PDE1C: variants seen among roughly 807,000 people sequenced by gnomAD.
PDE1C encodes phosphodiesterase 1C, also known as dual specificity calcium/calmodulin-dependent 3',5'-cyclic nucleotide phosphodiesterase 1C.
A neutral mutation model predicts 93.1 loss-of-function variants in PDE1C; 62 were observed. That is an observed-to-expected ratio of 0.67 (90% CI 0.54 to 0.82). The LOEUF is 0.82. PDE1C is among the 40% of genes least tolerant of loss of function. The pLI is 0.00. For synonymous variants in PDE1C, 325 were observed against 310.1 expected (o/e 1.05, Z -0.50); for missense variants, 742 against 884.6 (o/e 0.84, Z 2.04).
the PDE1C span, among the ~76,000 whole-genome samples, chr7:31,618,807 T>A: frequency 2.0e-5 from 3 of 152,254 alleles, no homozygotes; most frequent in Non-Finnish European, 4.4e-5. Context: ...TGACTCCAAA[T>A]GGCATGCCAT....
chr7:31,770,827 T>A (rs541820224), intron 17 of PDE1C, among the ~76,000 whole-genome samples: 2 of 152,274 alleles, frequency 1.3e-5, no homozygotes, highest in Admixed American at 6.5e-5. Flanking sequence ...TGGTTCATGA[T>A]CTTTCATTTT....
At chr7:32,071,078 G>T, upstream of PDE1C, 13 of 985,408 alleles carry the variant, frequency 1.3e-5, no homozygotes, top group Non-Finnish European at 1.3e-5. Context: ...GCGGAGGGAG[G>T]GGCGCGCGGG....
At chr7:32,099,075 C>A (rs539921321) in intron 3 of PDE1C, among the ~76,000 whole-genome samples, 1 of 152,012 alleles carries the variant, frequency 6.6e-6, no homozygotes, top group East Asian at 1.9e-4. Context: ...TGGGGGACAG[C>A]AATTAATTAT....
intron 1 of PDE1C, among the ~76,000 whole-genome samples, chr7:32,247,880 A>G (rs1395363427): frequency 6.6e-6 from 1 of 152,180 alleles, no homozygotes; most frequent in African/African-American, 2.4e-5. Flanking sequence ...TGTACTATGT[A>G]CAGACTAGTA....
the PDE1C span, among the ~76,000 whole-genome samples, chr7:31,730,525 C>G: frequency 1.3e-5 from 2 of 152,190 alleles, no homozygotes; most frequent in Admixed American, 6.5e-5. Context: ...CTGAGAATTG[C>G]CCCTGTGCAG....
At chr7:32,303,281 C>G (rs6952052), upstream of PDE1C, among the ~76,000 whole-genome samples, 12,765 of 152,162 alleles carry the variant, frequency 0.084, 596 homozygotes, top group East Asian at 0.13. Flanking sequence ...ATCTACCAAA[C>G]AGACTCCCTT....
At chr7:31,998,324 C>T (rs1261118060) in intron 2 of PDE1C, among the ~76,000 whole-genome samples, 1 of 152,076 alleles carries the variant, frequency 6.6e-6, no homozygotes, top group Non-Finnish European at 1.5e-5. Flanking sequence ...CAGCCAGAAA[C>T]GTCTTATTTT....
intron 3 of PDE1C, among the ~76,000 whole-genome samples, chr7:32,107,522 CA>C (rs1484618870): frequency 6.6e-6 from 1 of 151,948 alleles, no homozygotes; most frequent in Non-Finnish European, 1.5e-5. Context: ...CAAACAAAGT[CA>C]AAAAATACCA....
chr7:32,298,574 T>C, intron 1 of PDE1C: 1 of 1,477,742 alleles, frequency 6.8e-7, no homozygotes, highest in Non-Finnish European at 9.2e-7. Context: ...CCCTGCCCGC[T>C]TAGAAAGGAA....
At chr7:32,265,107 G>C (rs945790302) in intron 1 of PDE1C, among the ~76,000 whole-genome samples, 5 of 152,200 alleles carry the variant, frequency 3.3e-5, no homozygotes, top group African/African-American at 1.2e-4. Context: ...ACTCCAGAGA[G>C]AGCAACCTTA....
chr7:31,810,973 T>A (rs1192811573), intron 15 of PDE1C, among the ~76,000 whole-genome samples: 1 of 152,118 alleles, frequency 6.6e-6, no homozygotes, highest in African/African-American at 2.4e-5. Flanking sequence ...GTCAATAAAC[T>A]CTTCAGGTTC....
chr7:32,248,297 T>C (rs1273677899), intron 1 of PDE1C, among the ~76,000 whole-genome samples: 1 of 151,898 alleles, frequency 6.6e-6, no homozygotes, highest in African/African-American at 2.4e-5. Flanking sequence ...GAATTTAGAG[T>C]GGAGGAGAAG....
At chr7:32,095,863 G>A (rs1797723743) in intron 3 of PDE1C, among the ~76,000 whole-genome samples, 1 of 152,136 alleles carries the variant, frequency 6.6e-6, no homozygotes, top group African/African-American at 2.4e-5. Flanking sequence ...TCGACTTACA[G>A]AATGATGTGA....
chr7:32,065,975 G>A (rs933726743), intron 1 of PDE1C, among the ~76,000 whole-genome samples: 8 of 152,236 alleles, frequency 5.3e-5, no homozygotes, highest in Non-Finnish European at 1.0e-4. Flanking sequence ...AGCTGACCCA[G>A]GGATTCCCAC....
intron 17 of PDE1C, among the ~76,000 whole-genome samples, chr7:31,766,207 A>G (rs1795134993): frequency 6.6e-6 from 1 of 151,910 alleles, no homozygotes; most frequent in Admixed American, 6.6e-5. Context: ...ACACAGTGAA[A>G]CCCCGTCTCC....
intron 3 of PDE1C, among the ~76,000 whole-genome samples, chr7:32,095,124 A>AAT (rs1218975985): frequency 1.3e-5 from 2 of 152,212 alleles, no homozygotes; most frequent in Non-Finnish European, 2.9e-5. Context: ...TGTCCTCTAG[A>AAT]ATATATAGGA....
At chr7:31,875,670 T>A (rs1459793425) in intron 5 of PDE1C, among the ~76,000 whole-genome samples, 1 of 151,062 alleles carries the variant, frequency 6.6e-6, no homozygotes, top group African/African-American at 2.4e-5. Context: ...CTGGAGTCTT[T>A]CCAAGGTGTC....
At chr7:32,139,300 CTTTTTTTTT>C (rs34277412) in intron 3 of PDE1C, among the ~76,000 whole-genome samples, 1 of 82,966 alleles carries the variant, frequency 1.2e-5, no homozygotes, top group Admixed American at 1.6e-4. Flanking sequence ...CAAAATCAAC[CTTTTTTTTT>C]TTTTTTTTTT....
chr7:32,324,970 C>T (rs978787694), intron 1 of PDE1C, among the ~76,000 whole-genome samples: 1 of 152,138 alleles, frequency 6.6e-6, no homozygotes, highest in Non-Finnish European at 1.5e-5. Context: ...GATGCTGATG[C>T]ACTCTGTGAA....
Sources: allele counts gnomAD v4.1 joint callset (sites outside exome capture counted in the v4.1 genomes callset), GRCh38; gene constraint gnomAD v4.1.1; transcripts MANE v1.5; gene names NCBI Gene and HGNC (gene_info 2026-07-23, HGNC 2026-07-21).